Variants in MGAM2 observed in about 807,000 individuals in gnomAD.
MGAM2 encodes probable maltase-glucoamylase 2.
Under a neutral mutation model 96.1 loss-of-function variants are expected in MGAM2, and 98 were observed. The observed-to-expected ratio is 1.02, with a 90% CI of 0.87 to 1.21. MGAM2 has a LOEUF of 1.21. Ranked by LOEUF, MGAM2 falls within the 50% of genes most tolerant of loss-of-function variation. MGAM2 has a pLI of 0.00. For missense variants in MGAM2, 2,055 were observed against 1,182.4 expected (o/e 1.74, Z -10.82); for synonymous variants, 749 against 414.8 (o/e 1.81, Z -9.79).
intron 4 of MGAM2, 141 bp from the exon 5 acceptor site, chr7:142,131,377 G>T (rs13224152): frequency 4.9e-6 from 3 of 607,118 alleles, no homozygotes; most frequent in Non-Finnish European, 8.8e-6. Flanking sequence ...GGTGGAGGTT[G>T]CAGTGAGCCG....
At chr7:142,201,089 T>C (rs1432113338) in intron 45 of MGAM2, among the ~76,000 whole-genome samples, 1 of 136,532 alleles carries the variant, frequency 7.3e-6, no homozygotes, top group East Asian at 2.1e-4. Context: ...TTTCTTTTTT[T>C]TTTTTTTTTG....
chr7:142,121,813 A>G (rs1198186532), intron 3 of MGAM2, among the ~76,000 whole-genome samples: 2 of 151,858 alleles, frequency 1.3e-5, no homozygotes, highest in East Asian at 3.9e-4. Flanking sequence ...ATATTATAGG[A>G]AAATAAGGAT....
chr7:142,156,575 G>T (rs1795742805), intron 17 of MGAM2, among the ~76,000 whole-genome samples: 1 of 152,172 alleles, frequency 6.6e-6, no homozygotes, highest in Admixed American at 6.5e-5. Context: ...GCTTCATGTG[G>T]TTCATGGCCA....
chr7:142,138,641 C>T lies in MGAM2; in HGVS notation c.1060C>T (p.Arg354Ter), dbSNP rs779828994. ...CAATAAATTGAAAGAAGTTGTAAGC[C>T]GAAATCGTTTAGCTGAGATACCATA... is the stretch of plus-strand genomic sequence containing the variant. ...GINKLKEVVS[R>*]NRLAEIPYDV... Residue 354 changes from arginine (R) to a stop codon, truncating the protein, a stop_gained, in exon 10 of 48, where the codon CGA becomes TGA. Transcript: ENST00000477922. LOFTEE classifies it high-confidence loss of function. 6 of 702,706 alleles carry T rather than the reference C, an allele frequency of 8.5e-6. No homozygotes were observed. The highest frequency in any genetic ancestry group is 3.0e-5 in the South Asian group (2 of 67,568). 43.5% of individuals were successfully genotyped at this position (702,706 alleles called of 1,614,324 possible).
chr7:142,188,911 G>A (rs189417961), intron 36 of MGAM2, among the ~76,000 whole-genome samples: 4 of 152,222 alleles, frequency 2.6e-5, no homozygotes, highest in Admixed American at 2.6e-4. Context: ...ACTTGTGATG[G>A]GTTCATGGGG....
intron 45 of MGAM2, among the ~76,000 whole-genome samples, chr7:142,207,252 T>A (rs529642750): frequency 1.3e-5 from 2 of 152,068 alleles, no homozygotes; most frequent in Non-Finnish European, 2.9e-5. Flanking sequence ...TCCTGAACAG[T>A]GTGAGGAGAT....
At chr7:142,174,647 A>C (rs141766780) in intron 31 of MGAM2, among the ~76,000 whole-genome samples, 2 of 151,132 alleles carry the variant, frequency 1.3e-5, no homozygotes, top group Non-Finnish European at 2.9e-5. Flanking sequence ...GGATTATGTC[A>C]TCTGCGAATA....
At chr7:142,156,148 A>G (rs1296606302) in intron 17 of MGAM2, among the ~76,000 whole-genome samples, 6 of 150,540 alleles carry the variant, frequency 4.0e-5, no homozygotes, top group Admixed American at 2.6e-4. Context: ...TCCGTCTCAA[A>G]ACAAAACAAA....
In MGAM2 at chr7:142,125,976, C is replaced by T. The variant is rs147919334; in HGVS notation, c.187-4972C>T. Among the ~76,000 whole-genome samples, 691 of 152,214 alleles carry T rather than the reference C, an allele frequency of 4.5e-3. 16 individuals carry two copies. Among genetic ancestry groups the T allele is most frequent in the East Asian group, 0.012 (63 of 5,186 alleles). On this transcript the variant is annotated intron_variant, in intron 3 of 47. Transcript: ENST00000477922. Reference sequence around the variant, plus strand: ...TCAAATCAATGGCTTAGTGTATATCCTTCTCTTGATCTTTATAAGCTTTTG... The same window carrying T: ...TCAAATCAATGGCTTAGTGTATATCTTTCTCTTGATCTTTATAAGCTTTTG...
intron 13 of MGAM2, 139 bp downstream of exon 13, chr7:142,144,021 T>C (rs1342200494): frequency 3.6e-6 from 2 of 563,176 alleles, no homozygotes; most frequent in African/African-American, 3.7e-5. Flanking sequence ...TTATTTTACT[T>C]AAGGCTGAGT....
chr7:142,139,447 G>A (rs925846558), intron 10 of MGAM2, among the ~76,000 whole-genome samples: 1 of 151,908 alleles, frequency 6.6e-6, no homozygotes, highest in African/African-American at 2.4e-5. Context: ...ATCACTTGAG[G>A]TCAGGAGTTC....
chr7:142,190,152 TTTTC>T (rs1311224611), intron 37 of MGAM2, among the ~76,000 whole-genome samples: 14 of 152,150 alleles, frequency 9.2e-5, no homozygotes, highest in African/African-American at 3.4e-4. Flanking sequence ...AGTAGACATG[TTTTC>T]TTTGTTTTGA....
rs6958066 is a variant in MGAM2, at chr7:142,175,794, C to T, written c.3816+14C>T. 1 of 700,378 alleles carries T rather than the reference C, an allele frequency of 1.4e-6. No individual in the cohort carries two copies. Among genetic ancestry groups the T allele is most frequent in the Non-Finnish European group, 2.6e-6 (1 of 383,690 alleles). The allele number at this position is 700,378 out of a possible 1,614,324, so 43.4% of individuals were successfully genotyped here. A position where few individuals can be genotyped will look rare whatever the true frequency, so the allele number is the denominator to read the frequency against. ...ATTCTCATTTTGGTATGTATTGAGA[C>T]AGATCAGATCCTACTTTCTGTTTCC... On this transcript the variant is annotated intron_variant, in intron 32 of 47. Coordinates refer to ENST00000477922, the MANE Select transcript of MGAM2 (RefSeq NM_001293626.2).
At chr7:142,211,647 G>T (rs575406850) in intron 46 of MGAM2, among the ~76,000 whole-genome samples, 1 of 152,198 alleles carries the variant, frequency 6.6e-6, no homozygotes, top group South Asian at 2.1e-4. Context: ...AGAGAAAAAA[G>T]AATGAAAAGG....
At chr7:142,206,794 G>A (rs1385062061) in intron 45 of MGAM2, among the ~76,000 whole-genome samples, 1 of 152,180 alleles carries the variant, frequency 6.6e-6, no homozygotes, top group Non-Finnish European at 1.5e-5. Context: ...CTAAGATACA[G>A]TGTAAGTGTC....
In MGAM2 at chr7:142,161,961, T is replaced by G. The variant is rs936983302; in HGVS notation, c.2441T>G (p.Val814Gly). Residue 814 changes from valine to glycine, a missense_variant, in exon 23 of 48, where the codon GTG (valine) becomes GGG (glycine). Physicochemically the swap from Val to Gly is moderately radical, Grantham distance 109 (BLOSUM62 -3). Transcript: ENST00000477922. ...YWDDGVSKDA[V>G]TEKKYILYDF... ...ACTCCTCTTTCTTTTTTAGATGCTGTGACTGAAAAGAAGTATATTCTATAT... is the reference window on the plus strand; with the variant it reads ...ACTCCTCTTTCTTTTTTAGATGCTGGGACTGAAAAGAAGTATATTCTATAT... 1.4e-6 allele frequency: 1 copy of G among 696,802 alleles called. No homozygotes were observed. The highest frequency in any genetic ancestry group is 2.6e-6 in the Non-Finnish European group (1 of 382,854). The allele number at this position is 696,802 out of a possible 1,614,324, so 43.2% of individuals were successfully genotyped here. A position where few individuals can be genotyped will look rare whatever the true frequency, so the allele number is the denominator to read the frequency against.
chr7:142,181,397 G>A (rs187080994), intron 32 of MGAM2, among the ~76,000 whole-genome samples: 44 of 152,230 alleles, frequency 2.9e-4, no homozygotes, highest in Admixed American at 1.4e-3. Flanking sequence ...TTTAGGCTGC[G>A]ATACAGTAGA....
At chr7:142,181,911 C>G (rs1796556236) in intron 32 of MGAM2, among the ~76,000 whole-genome samples, 1 of 152,210 alleles carries the variant, frequency 6.6e-6, no homozygotes, top group Admixed American at 6.5e-5. Flanking sequence ...AATGTCTGCT[C>G]TAGTAGCTGC....
chr7:142,135,279 T>G (rs1046991707), intron 7 of MGAM2, among the ~76,000 whole-genome samples: 3 of 152,226 alleles, frequency 2.0e-5, no homozygotes, highest in Non-Finnish European at 4.4e-5. Context: ...AGCTAACGCA[T>G]GTAATAAATG....
Sources: allele counts gnomAD v4.1 joint callset (sites outside exome capture counted in the v4.1 genomes callset), GRCh38; gene constraint gnomAD v4.1.1; transcripts MANE v1.5; gene names NCBI Gene and HGNC (gene_info 2026-07-23, HGNC 2026-07-21).